PSMG2: variants seen among roughly 807,000 people sequenced by gnomAD.
The protein encoded by PSMG2 is proteasome assembly chaperone 2, also known as CD40 ligand-activated specific transcript 3.
A neutral mutation model predicts 31.5 loss-of-function variants in PSMG2; 21 were observed. The ratio of observed to expected loss-of-function variants is 0.67; its 90% confidence interval spans 0.47 to 0.96. The LOEUF (loss-of-function observed/expected upper bound fraction) is 0.96. Ranked by LOEUF, PSMG2 falls within the 40% of genes least tolerant of loss-of-function variation. PSMG2 has a pLI of 0.00. For synonymous variants in PSMG2, 120 were observed against 110.4 expected, an observed-to-expected ratio of 1.09 and a Z score of -0.54; for missense variants, 318 against 321.2, an observed-to-expected ratio of 0.99 and a Z score of 0.08.
chr18:12,725,469 T>C lies in PSMG2; in HGVS notation c.733T>C (p.Trp245Arg). The C allele has an allele frequency of 4.4e-6, 7 of 1,604,558 alleles. No homozygotes were observed. Among genetic ancestry groups the C allele is most frequent in the Non-Finnish European group, 6.0e-6 (7 of 1,171,600 alleles). The part of the protein sequence containing the change: ...SDDPTVSASR[W>R]KIPSSWRLLF... ...TGACCCCACAGTATCTGCCTCACGG[T>C]GGAAAATACCAAGTTCTTGGAGATT... is the stretch of plus-strand genomic sequence containing the variant. The change falls in exon 7 of 7, where the codon TGG becomes CGG. Residue 245 changes from tryptophan (W) to arginine (R), a missense_variant. Coordinates refer to ENST00000317615, the MANE Select transcript of PSMG2 (RefSeq NM_020232.5).
chr18:12,666,762 C>T (rs1195805702), intron 1 of PSMG2, among the ~76,000 whole-genome samples: 1 of 151,288 alleles, frequency 6.6e-6, no homozygotes, highest in Non-Finnish European at 1.5e-5. Context: ...AAAAAAAAAA[C>T]TTTTGAATTG....
At chr18:12,703,455 C>T (rs1350082437) in intron 1 of PSMG2, among the ~76,000 whole-genome samples, 1 of 152,164 alleles carries the variant, frequency 6.6e-6, no homozygotes, top group East Asian at 1.9e-4. Flanking sequence ...TGCAGGGCAT[C>T]CTTCAGTTTT....
At chr18:12,702,909 C>G, upstream of PSMG2, 1 of 609,594 alleles carries the variant, frequency 1.6e-6, no homozygotes, top group Non-Finnish European at 2.7e-6. Flanking sequence ...CTGCTGGCCC[C>G]TCTTCGCGGC....
chr18:12,668,236 G>A (rs1209316545), intron 1 of PSMG2, among the ~76,000 whole-genome samples: 1 of 151,980 alleles, frequency 6.6e-6, no homozygotes, highest in Non-Finnish European at 1.5e-5. Context: ...CTGCACTCCA[G>A]ACTGGGCAAC....
upstream of PSMG2, chr18:12,698,916 GT>G (rs1174843309): frequency 8.3e-7 from 1 of 1,198,766 alleles, no homozygotes; most frequent in Non-Finnish European, 1.2e-6. Flanking sequence ...CATTATTATT[GT>G]TTCACAATAA....
intron 1 of PSMG2, among the ~76,000 whole-genome samples, chr18:12,669,540 A>C (rs1200160001): frequency 6.6e-6 from 1 of 152,168 alleles, no homozygotes; most frequent in African/African-American, 2.4e-5. Context: ...TTTTCTATTA[A>C]CTAAATAGAC....
upstream of PSMG2, chr18:12,702,730 C>CCGGCGG (rs1170610508): frequency 1.5e-6 from 1 of 650,492 alleles, no homozygotes; most frequent in Non-Finnish European, 2.5e-6. Flanking sequence ...AAATGAGGCC[C>CCGGCGG]CGGCGGCGGC....
chr18:12,689,859 C>T (rs11663668), intron 1 of PSMG2, among the ~76,000 whole-genome samples: 11,626 of 152,134 alleles, frequency 0.076, 611 homozygotes, highest in Middle Eastern at 0.16. Flanking sequence ...GCGTGATCTT[C>T]GCTCACTGCA....
At chr18:12,700,013 C>A, upstream of PSMG2, 1 of 557,602 alleles carries the variant, frequency 1.8e-6, no homozygotes, top group South Asian at 4.0e-5. Context: ...CAGGGTAAGG[C>A]CCTTTCAAAG....
At chr18:12,664,826 G>A (rs1598603188) in intron 1 of PSMG2, among the ~76,000 whole-genome samples, 1 of 151,636 alleles carries the variant, frequency 6.6e-6, no homozygotes, top group East Asian at 2.0e-4. Context: ...AGCCTCCTGA[G>A]TAGCTAGGAT....
chr18:12,698,887 C>T, upstream of PSMG2: 1 of 885,322 alleles, frequency 1.1e-6, no homozygotes, highest in South Asian at 1.9e-5. Flanking sequence ...CATTATAAAT[C>T]TCTCCTTACA....
chr18:12,720,558 A>G lies in PSMG2; in HGVS notation c.456A>G (p.Gln152=). Reference sequence around the variant, plus strand: ...CACCTTCCATGCAAAAAAGTGTTCAAAATAAAATAAAGAGCCTTAACTGGG... The same window carrying G: ...CACCTTCCATGCAAAAAAGTGTTCAGAATAAAATAAAGAGCCTTAACTGGG... The part of the protein sequence containing the change: ...LLTPSMQKSV[Q]NKIKSLNWEE... Residue 152 remains glutamine (Q), a synonymous_variant, in exon 5 of 7, where the codon CAA becomes CAG. Transcript: ENST00000317615. The G allele has an allele frequency of 6.2e-7, 1 of 1,612,862 alleles. No individual in the cohort carries two copies. Among genetic ancestry groups the G allele is most frequent in the Non-Finnish European group, 8.5e-7 (1 of 1,179,528 alleles).
chr18:12,690,060 A>G (rs1293275736), intron 1 of PSMG2, among the ~76,000 whole-genome samples: 2 of 151,006 alleles, frequency 1.3e-5, no homozygotes, highest in African/African-American at 4.8e-5. Flanking sequence ...AAGTGCTGGG[A>G]TTACAGGCGT....
In PSMG2 at chr18:12,725,618, G is replaced by T; in HGVS notation, c.*87G>T. 1 of 917,144 alleles carries T rather than the reference G, an allele frequency of 1.1e-6. No individual in the cohort carries two copies. 56.8% of individuals were successfully genotyped at this position (917,144 alleles called of 1,614,324 possible). ...TCTATACAAAAAAATTGTATGATCT[G>T]GTATTAGGAAATTACTTTCACAGTA... On this transcript the variant is annotated 3_prime_UTR_variant, in exon 7 of 7. Transcript: ENST00000317615.
At chr18:12,676,368 C>T (rs979177530) in intron 1 of PSMG2, among the ~76,000 whole-genome samples, 8 of 147,744 alleles carry the variant, frequency 5.4e-5, no homozygotes, top group Non-Finnish European at 8.9e-5. Context: ...ACTGCAACCT[C>T]TGCCTCCCCG....
chr18:12,686,156 G>T, intron 1 of PSMG2: 1 of 835,648 alleles, frequency 1.2e-6, no homozygotes, highest in Non-Finnish European at 1.8e-6. Flanking sequence ...GGGTACAGAG[G>T]GTTGACTATA....
chr18:12,702,982 G>A (rs889485468), upstream of PSMG2: 8 of 1,093,902 alleles, frequency 7.3e-6, no homozygotes, highest in African/African-American at 1.3e-4. Context: ...CAAGGGCCCG[G>A]CGCCCAGGGA....
chr18:12,725,647 A>G lies in PSMG2; in HGVS notation c.*116A>G, dbSNP rs2040470211. 1 of 637,944 alleles carries G rather than the reference A, an allele frequency of 1.6e-6. No homozygotes were observed. The highest frequency in any genetic ancestry group is 2.5e-6 in the Non-Finnish European group (1 of 404,404). 39.5% of individuals were successfully genotyped at this position (637,944 alleles called of 1,614,324 possible). A position where few individuals can be genotyped will look rare whatever the true frequency, so the allele number is the denominator to read the frequency against. Reference sequence around the variant, plus strand: ...TTAGGAAATTACTTTCACAGTAAATATCAAAGAAAAAAGATTAAGGGTCTC... The same window carrying G: ...TTAGGAAATTACTTTCACAGTAAATGTCAAAGAAAAAAGATTAAGGGTCTC... On this transcript the variant is annotated 3_prime_UTR_variant, in exon 7 of 7. Coordinates refer to ENST00000317615, the MANE Select transcript of PSMG2 (RefSeq NM_020232.5).
chr18:12,722,127 T>C (rs2040436702), intron 5 of PSMG2, among the ~76,000 whole-genome samples: 1 of 152,202 alleles, frequency 6.6e-6, no homozygotes, highest in Non-Finnish European at 1.5e-5. Context: ...TTCTATACTT[T>C]GTTGCACTTA....
Sources: allele counts gnomAD v4.1 joint callset (sites outside exome capture counted in the v4.1 genomes callset), GRCh38; gene constraint gnomAD v4.1.1; transcripts MANE v1.5; gene names NCBI Gene and HGNC (gene_info 2026-07-23, HGNC 2026-07-21).